The following ELL variants were observed in gnomAD, a reference collection of about 807,000 sequenced individuals.
ELL encodes the protein elongation factor for RNA polymerase II.
ELL carries 18 observed loss-of-function variants against 64.0 expected under a neutral mutation model. The ratio of observed to expected loss-of-function variants is 0.28; its 90% confidence interval spans 0.19 to 0.42. The LOEUF is 0.42. Ranked by LOEUF, ELL falls within the 10% of genes least tolerant of loss-of-function variation. ELL has a pLI of 1.00. For missense variants in ELL, 797 were observed against 870.4 expected, an observed-to-expected ratio of 0.92 and a Z score of 1.06; for synonymous variants, 399 against 376.2, an observed-to-expected ratio of 1.06 and a Z score of -0.70.
rs748661084 is a variant in ELL, at chr19:18,446,294, GC to G, written c.1704+14del. ...CGCCAGAGCCAGGGCACAGTAGGCA[GC>G]GGGGGGGCTCTACCTCATACTCCTC... On this transcript the variant is annotated intron_variant, in intron 10 of 11. Transcript: ENST00000262809. 1 of 1,555,672 alleles carries G rather than the reference GC, an allele frequency of 6.4e-7. No homozygotes were observed. Among genetic ancestry groups the G allele is most frequent in the Non-Finnish European group, 8.7e-7 (1 of 1,153,810 alleles).
At chr19:18,521,107 C>A (rs928173661) in intron 1 of ELL, among the ~76,000 whole-genome samples, 1 of 152,040 alleles carries the variant, frequency 6.6e-6, no homozygotes, top group African/African-American at 2.4e-5. Flanking sequence ...CTGAGAAGTT[C>A]CAGAGTCAGC....
chr19:18,485,671 C>T (rs1975396123), intron 1 of ELL, among the ~76,000 whole-genome samples: 1 of 152,090 alleles, frequency 6.6e-6, no homozygotes, highest in Non-Finnish European at 1.5e-5. Context: ...CAAATTCGTG[C>T]CACATTCACA....
At chr19:18,446,699 G>A (rs780444747) in intron 9 of ELL, 49 bp downstream of exon 9, 3 of 1,608,898 alleles carry the variant, frequency 1.9e-6, no homozygotes, top group East Asian at 4.5e-5. Flanking sequence ...GAGGGGGTCT[G>A]AACCCAGAAA....
intron 1 of ELL, among the ~76,000 whole-genome samples, chr19:18,477,690 T>C (rs1475408768): frequency 6.6e-6 from 1 of 152,098 alleles, no homozygotes; most frequent in Non-Finnish European, 1.5e-5. Context: ...AAATAAAGAT[T>C]CGCTCAAACA....
At chr19:18,471,054 T>A (rs1384820939) in intron 2 of ELL, 4 of 452,020 alleles carry the variant, frequency 8.8e-6, no homozygotes, top group Non-Finnish European at 1.8e-5. Context: ...AGAAATTGAT[T>A]TAGGTACAAC....
chr19:18,456,110 A>G (rs575392861), intron 6 of ELL, among the ~76,000 whole-genome samples: 101 of 152,228 alleles, frequency 6.6e-4, no homozygotes, highest in Non-Finnish European at 1.2e-3. Context: ...AAAAAAAAAA[A>G]AGAGATGAAA....
At chr19:18,515,692 C>T (rs1241768010) in intron 1 of ELL, among the ~76,000 whole-genome samples, 3 of 152,180 alleles carry the variant, frequency 2.0e-5, no homozygotes, top group African/African-American at 7.2e-5. Flanking sequence ...CAGTCACTCA[C>T]GTCACCAAGG....
intron 6 of ELL, among the ~76,000 whole-genome samples, chr19:18,457,823 GA>G (rs1331654690): frequency 1.3e-5 from 2 of 152,228 alleles, no homozygotes; most frequent in Non-Finnish European, 2.9e-5. Flanking sequence ...AGGTTCTTGA[GA>G]GGCTCTTTTC....
chr19:18,513,387 C>T (rs1381656543), intron 1 of ELL, among the ~76,000 whole-genome samples: 6 of 152,162 alleles, frequency 3.9e-5, no homozygotes, highest in South Asian at 2.1e-4. Flanking sequence ...TCAGGCTCCA[C>T]GATGCACAGA....
intron 9 of ELL, 21 bp downstream of exon 9, chr19:18,446,727 A>G (rs1230684166): frequency 6.2e-7 from 1 of 1,613,384 alleles, no homozygotes; most frequent in East Asian, 2.2e-5. Flanking sequence ...CCTGGCCTGC[A>G]GGGCCCAGAC....
chr19:18,481,731 C>A (rs912575595), intron 1 of ELL, among the ~76,000 whole-genome samples: 2 of 152,164 alleles, frequency 1.3e-5, no homozygotes, highest in Admixed American at 6.5e-5. Context: ...AGTATAAATA[C>A]GCCACCTTCC....
intron 1 of ELL, among the ~76,000 whole-genome samples, chr19:18,520,999 C>T (rs1976256286): frequency 6.6e-6 from 1 of 151,698 alleles, no homozygotes; most frequent in South Asian, 2.1e-4. Context: ...CAAAGTCAGG[C>T]CCAAGAGAAC....
At chr19:18,482,345 T>A (rs1975319445) in intron 1 of ELL, among the ~76,000 whole-genome samples, 1 of 108,370 alleles carries the variant, frequency 9.2e-6, no homozygotes, top group Admixed American at 1.1e-4. Flanking sequence ...TTAAACAGGG[T>A]CTCGCCCTGT....
intron 1 of ELL, among the ~76,000 whole-genome samples, chr19:18,482,794 T>TTGTTGTTGTTGTTGTTGTTGTTGCTGC (rs139501319): frequency 5.3e-5 from 8 of 150,066 alleles, no homozygotes; most frequent in African/African-American, 7.5e-5. Flanking sequence ...GTTGTTGTTG[T>TTGTTGTTGTTGTTGTTGTTGTTGCTGC]TGCTGCTGTT....
rs1974358157 is a variant in ELL, at chr19:18,444,183, G to C, written c.*569C>G. The C allele has an allele frequency of 4.3e-6, 1 of 230,884 alleles. No homozygotes were observed. The highest frequency in any genetic ancestry group is 5.7e-5 in the Admixed American group (1 of 17,696). 14.3% of individuals were successfully genotyped at this position (230,884 alleles called of 1,614,324 possible). A position where few individuals can be genotyped will look rare whatever the true frequency, so the allele number is the denominator to read the frequency against. On this transcript the variant is annotated 3_prime_UTR_variant, in exon 12 of 12. Transcript: ENST00000262809. ...GCCCAAGGAGGAGAGGCTGGGGAAA[G>C]GGGTGCCTAAACGTAGAGCCAGAGA...
chr19:18,457,578 G>A (rs925970258), intron 6 of ELL, among the ~76,000 whole-genome samples: 3 of 152,212 alleles, frequency 2.0e-5, no homozygotes, highest in African/African-American at 7.2e-5. Context: ...GAGTCCCTGA[G>A]AAATCACTTA....
At chr19:18,455,158 A>G (rs1436163335) in intron 6 of ELL, among the ~76,000 whole-genome samples, 5 of 149,288 alleles carry the variant, frequency 3.3e-5, no homozygotes, top group Admixed American at 6.7e-5. Context: ...AAAAAAAAAG[A>G]AAGAAAGAAA....
intron 6 of ELL, 119 bp from the exon 7 acceptor site, chr19:18,451,767 A>T: frequency 1.3e-6 from 1 of 770,636 alleles, no homozygotes; most frequent in Non-Finnish European, 1.9e-6. Context: ...CTCCTCCCAA[A>T]TCCAGAGCAG....
intron 1 of ELL, among the ~76,000 whole-genome samples, chr19:18,497,722 TGGGA>T (rs1275806063): frequency 7.2e-6 from 1 of 138,814 alleles, no homozygotes; most frequent in East Asian, 2.1e-4. Flanking sequence ...GAGGCTGGGG[TGGGA>T]GGATCACCTA....
Sources: allele counts gnomAD v4.1 joint callset (sites outside exome capture counted in the v4.1 genomes callset), GRCh38; gene constraint gnomAD v4.1.1; transcripts MANE v1.5; gene names NCBI Gene and HGNC (gene_info 2026-07-23, HGNC 2026-07-21).